SND1: variants seen among roughly 807,000 people sequenced by gnomAD.
The protein encoded by SND1 is staphylococcal nuclease domain-containing protein 1.
Under a neutral mutation model 121.7 loss-of-function variants are expected in SND1, and 38 were observed. That is an observed-to-expected ratio of 0.31 (90% CI 0.24 to 0.41). SND1 has a LOEUF of 0.41. Ranked by LOEUF, SND1 falls within the 10% of genes least tolerant of loss-of-function variation. The probability of loss-of-function intolerance (pLI) is 1.00; values close to 1 mark genes in which losing one functional copy is unlikely to be tolerated. For synonymous variants in SND1, 401 were observed against 447.4 expected (o/e 0.90, Z 1.31); for missense variants, 868 against 1,184.6 (o/e 0.73, Z 3.92).
intron 10 of SND1, among the ~76,000 whole-genome samples, chr7:127,802,923 C>T (rs1798161945): frequency 6.6e-6 from 1 of 152,154 alleles, no homozygotes; most frequent in African/African-American, 2.4e-5. Context: ...AGAATGTATC[C>T]AGTTCTGACC....
chr7:128,055,545 G>A (rs1793127827), intron 16 of SND1, among the ~76,000 whole-genome samples: 1 of 152,182 alleles, frequency 6.6e-6, no homozygotes, highest in Admixed American at 6.5e-5. Flanking sequence ...GTAATGATGA[G>A]TTTTGGGGCT....
At chr7:127,903,101 C>T (rs1236476132) in intron 13 of SND1, among the ~76,000 whole-genome samples, 3 of 152,130 alleles carry the variant, frequency 2.0e-5, no homozygotes, top group African/African-American at 7.2e-5. Context: ...CCAGGCTGGT[C>T]TCAAACTCCT....
chr7:127,961,637 C>T (rs976857652), intron 15 of SND1, among the ~76,000 whole-genome samples: 1 of 152,166 alleles, frequency 6.6e-6, no homozygotes, highest in Admixed American at 6.5e-5. Flanking sequence ...CTTCTATTGC[C>T]GTCATCAGCT....
chr7:127,818,001 G>C (rs938958438), intron 11 of SND1, among the ~76,000 whole-genome samples: 1 of 151,960 alleles, frequency 6.6e-6, no homozygotes, highest in African/African-American at 2.4e-5. Context: ...TTTGTCCTCT[G>C]CTTTGTCATA....
intron 13 of SND1, among the ~76,000 whole-genome samples, chr7:127,891,770 CT>C (rs1340124014): frequency 6.6e-6 from 1 of 152,102 alleles, no homozygotes; most frequent in African/African-American, 2.4e-5. Context: ...ACTTAACTGT[CT>C]TTTGTTTATC....
intron 12 of SND1, among the ~76,000 whole-genome samples, chr7:127,886,307 TAA>T (rs201061270): frequency 6.9e-6 from 1 of 144,114 alleles, no homozygotes; most frequent in African/African-American, 2.6e-5. Context: ...TTTTCTTCTT[TAA>T]AAAAAAAAAA....
chr7:127,741,564 G>A (rs1796882625), intron 10 of SND1, among the ~76,000 whole-genome samples: 1 of 152,098 alleles, frequency 6.6e-6, no homozygotes, highest in South Asian at 2.1e-4. Flanking sequence ...AGGCTTGCAA[G>A]CCCCTGTGTT....
chr7:127,840,951 G>A (rs1208063567), intron 11 of SND1, among the ~76,000 whole-genome samples: 1 of 152,196 alleles, frequency 6.6e-6, no homozygotes, highest in Non-Finnish European at 1.5e-5. Context: ...GGTGAATGTA[G>A]TTGTTTCTTT....
At position 127,688,876 on chromosome 7, in the gene SND1, A is replaced by G. The variant is rs116191535; in HGVS notation, c.228+2114A>G. ...AAGAAAAAGCAAGAGTTTATGTGGA[A>G]CTTTTATTAATATTTAAGTAAAGCA... On this transcript the variant is annotated intron_variant, in intron 2 of 23. Coordinates refer to ENST00000354725, the MANE Select transcript of SND1 (RefSeq NM_014390.4). Among the ~76,000 whole-genome samples the G allele has an allele frequency of 5.9e-3, 905 of 152,292 alleles. 10 individuals are homozygous for G. Among genetic ancestry groups the G allele is most frequent in the African/African-American group, 0.021 (859 of 41,568 alleles).
intron 15 of SND1, among the ~76,000 whole-genome samples, chr7:127,973,916 C>T (rs1802057307): frequency 6.6e-6 from 1 of 152,254 alleles, no homozygotes; most frequent in Non-Finnish European, 1.5e-5. Context: ...TGGGGGCTGT[C>T]TTGCTAAGGA....
intron 16 of SND1, among the ~76,000 whole-genome samples, chr7:128,049,895 A>G (rs760258071): frequency 8.5e-5 from 13 of 152,180 alleles, no homozygotes; most frequent in Non-Finnish European, 1.6e-4. Context: ...AATGTCTTAG[A>G]ATCATCAAGT....
At chr7:127,992,359 G>A (rs969626597) in intron 16 of SND1, among the ~76,000 whole-genome samples, 6 of 152,188 alleles carry the variant, frequency 3.9e-5, no homozygotes, top group African/African-American at 1.4e-4. Context: ...AAACACTCCA[G>A]TTGTCTATAA....
At chr7:128,024,751 A>G (rs953860469) in intron 16 of SND1, among the ~76,000 whole-genome samples, 9 of 152,360 alleles carry the variant, frequency 5.9e-5, no homozygotes, top group Middle Eastern at 3.4e-3. Flanking sequence ...AGGGTGTTAA[A>G]AAGTCCTGGA....
intron 10 of SND1, among the ~76,000 whole-genome samples, chr7:127,758,970 C>G (rs765308986): frequency 3.3e-5 from 5 of 152,072 alleles, no homozygotes; most frequent in African/African-American, 4.8e-5. Flanking sequence ...GGGAGCATCG[C>G]TTGAGCCCAG....
intron 6 of SND1, 80 bp downstream of exon 6, chr7:127,702,606 G>C: frequency 1.7e-6 from 2 of 1,142,990 alleles, no homozygotes; most frequent in South Asian, 2.5e-5. Context: ...TGGGGACTTC[G>C]GATCTGCTGT....
At chr7:128,041,523 C>T (rs937745985) in intron 16 of SND1, among the ~76,000 whole-genome samples, 1 of 152,210 alleles carries the variant, frequency 6.6e-6, no homozygotes, top group Admixed American at 6.5e-5. Context: ...GCAACTCTGT[C>T]TGCAAATGCT....
chr7:127,903,241 C>G (rs1270549488), intron 13 of SND1, among the ~76,000 whole-genome samples: 1 of 151,910 alleles, frequency 6.6e-6, no homozygotes, highest in African/African-American at 2.4e-5. Flanking sequence ...CCAGACTGGT[C>G]TCGAACTCCT....
chr7:127,888,091 G>T, intron 13 of SND1, 79 bp downstream of exon 13: 1 of 820,078 alleles, frequency 1.2e-6, no homozygotes, highest in Non-Finnish European at 2.0e-6. Context: ...CTATACCTGA[G>T]CAGAATGTGT....
chr7:127,695,204 C>T (rs2272374), intron 3 of SND1, among the ~76,000 whole-genome samples: 9,940 of 152,220 alleles, frequency 0.065, 417 homozygotes, highest in Middle Eastern at 0.19. Context: ...TTGCATTCTT[C>T]CTCATGTTTA....
Sources: gnomAD v4.1 joint callset for allele counts (sites outside exome capture counted in the v4.1 genomes callset) on GRCh38, gnomAD v4.1.1 for gene constraint, MANE v1.5 for transcripts, NCBI Gene and HGNC (gene_info 2026-07-23, HGNC 2026-07-21) for gene names.